The following GRAMD1B variants were observed in gnomAD, a reference collection of about 807,000 sequenced individuals.
GRAMD1B encodes the protein GRAM domain containing 1B.
In GRAMD1B, 37 loss-of-function variants were observed where a neutral mutation model predicts 99.7. The ratio of observed to expected loss-of-function variants is 0.37; its 90% CI spans 0.29 to 0.49. The LOEUF (loss-of-function observed/expected upper bound fraction) is 0.49. Ranked by LOEUF, GRAMD1B falls within the 20% of genes least tolerant of loss-of-function variation. The pLI is 0.98. For missense variants in GRAMD1B, 888 were observed against 1,009.2 expected, an observed-to-expected ratio of 0.88 and a Z score of 1.63; for synonymous variants, 427 against 387.6, an observed-to-expected ratio of 1.10 and a Z score of -1.19.
At chr11:123,574,597 G>A (rs1468143047) in intron 2 of GRAMD1B, among the ~76,000 whole-genome samples, 2 of 152,148 alleles carry the variant, frequency 1.3e-5, no homozygotes, top group African/African-American at 4.8e-5. Context: ...TGGAAGAGAG[G>A]GGTCTGCAGC....
rs76924654 is a variant in GRAMD1B, at chr11:123,523,751, T to A, written c.452+42858T>A. 1.2e-3 allele frequency among the ~76,000 whole-genome samples: 180 copies of A among 152,364 alleles called. 4 individuals carry two copies. The East Asian group carries it at 0.029, about 25-fold the overall frequency. ...GGGCTGGATCACATGACCTGGTATTTCCATTGAGTGAATTATCTAGGTCAT... is the reference window on the plus strand; with the variant it reads ...GGGCTGGATCACATGACCTGGTATTACCATTGAGTGAATTATCTAGGTCAT... On this transcript the variant is annotated intron_variant, in intron 2 of 19. Transcript: ENST00000635736.
chr11:123,359,401 G>A (rs990254836), intron 1 of GRAMD1B, among the ~76,000 whole-genome samples: 1 of 152,000 alleles, frequency 6.6e-6, no homozygotes, highest in African/African-American at 2.4e-5. Context: ...GAAGTGAGAG[G>A]TTCCATCCCA....
intron 19 of GRAMD1B, among the ~76,000 whole-genome samples, chr11:123,622,188 A>G (rs1955216375): frequency 6.6e-6 from 1 of 151,938 alleles, no homozygotes; most frequent in Non-Finnish European, 1.5e-5. Flanking sequence ...GCCTGGCTAT[A>G]ATTTTTAAAT....
intron 8 of GRAMD1B, 94 bp downstream of exon 8, chr11:123,600,642 A>C (rs367880116): frequency 1.4e-6 from 1 of 732,178 alleles, no homozygotes. Flanking sequence ...CACTGATAGT[A>C]TTCTCCCACT....
Position 123,404,420 on chromosome 11 carries a change from T to C in GRAMD1B, c.-176+45621T>C, listed in dbSNP as rs569742550. ...AGCAAGAACAAATGCTTGATTCATT[T>C]CCTTTATTTGACTGTTTTCAATAGA... On this transcript the variant is annotated intron_variant, in intron 1 of 20. Coordinates refer to the GRAMD1B transcript ENST00000638157. 3.3e-5 allele frequency among the ~76,000 whole-genome samples: 5 copies of C among 152,382 alleles called. No homozygotes were observed. The East Asian group carries it at 5.8e-4, about 18-fold the overall frequency.
intron 1 of GRAMD1B, among the ~76,000 whole-genome samples, chr11:123,447,910 A>G (rs1949711246): frequency 6.6e-6 from 1 of 151,732 alleles, no homozygotes; most frequent in Non-Finnish European, 1.5e-5. Flanking sequence ...GTTTTTTTTA[A>G]CCTCCCACAA....
rs1293351639 is a variant in GRAMD1B at position 123,510,948 on chromosome 11, G to T, written c.452+30055G>T. 6.6e-6 allele frequency among the ~76,000 whole-genome samples: 1 copy of T among 152,106 alleles called. No individual in the cohort carries two copies. Among genetic ancestry groups the T allele is most frequent in the African/African-American group, 2.4e-5 (1 of 41,412 alleles). ...CGGAGTGGGTGGATGAGGGGTGCAG[G>T]GTGGGGGGTGGAGGTATCTGTAGCT... On this transcript the variant is annotated intron_variant, in intron 2 of 19. Transcript: ENST00000635736. The surrounding 1 kb of genome is among the most constrained non-coding windows in gnomAD (Gnocchi z 4.3).
At chr11:123,598,536 T>A (rs1951567734) in intron 7 of GRAMD1B, 1 of 1,531,480 alleles carries the variant, frequency 6.5e-7, no homozygotes, top group South Asian at 1.1e-5. Flanking sequence ...GCCCTTTGAC[T>A]TGGGATTTTT....
At chr11:123,438,137 C>T (rs1949247553) in intron 1 of GRAMD1B, among the ~76,000 whole-genome samples, 1 of 152,182 alleles carries the variant, frequency 6.6e-6, no homozygotes, top group African/African-American at 2.4e-5. Flanking sequence ...TTACTTTGTG[C>T]CAAGTTTTCT....
At chr11:123,434,771 G>C (rs989053354) in intron 1 of GRAMD1B, among the ~76,000 whole-genome samples, 1 of 152,228 alleles carries the variant, frequency 6.6e-6, no homozygotes, top group Non-Finnish European at 1.5e-5. Flanking sequence ...CTGGGCGACA[G>C]AGCAAGACTC....
In GRAMD1B at chr11:123,525,778, C is replaced by T. The variant is rs148805496; in HGVS notation, c.452+44885C>T. On this transcript the variant is annotated intron_variant, in intron 2 of 19. Transcript: ENST00000635736. The stretch of plus-strand genomic sequence containing the variant: ...GTATGAGGTGAGGGTGGGGGGCAGC[C>T]GGCCAGCCTGGCTGTTGACGGCAAC... The T allele has an allele frequency of 1.0e-3, 297 of 285,164 alleles. 1 individual carries two copies. In the East Asian group the frequency reaches 0.022, roughly 21 times the overall value. 17.7% of individuals were successfully genotyped at this position (285,164 alleles called of 1,614,324 possible). A position where few individuals can be genotyped will look rare whatever the true frequency, so the allele number is the denominator to read the frequency against.
chr11:123,403,483 TAATAATA>T (rs1565476725), intron 1 of GRAMD1B, among the ~76,000 whole-genome samples: 96 of 146,328 alleles, frequency 6.6e-4, no homozygotes, highest in African/African-American at 2.3e-3. Context: ...ATAATAATAA[TAATAATA>T]ATTTCGTCTC....
intron 2 of GRAMD1B, among the ~76,000 whole-genome samples, chr11:123,562,105 T>G (rs1415286154): frequency 6.6e-6 from 1 of 152,150 alleles, no homozygotes; most frequent in African/African-American, 2.4e-5. Flanking sequence ...ATCCCAGCAC[T>G]TCGGGATCTG....
intron 2 of GRAMD1B, among the ~76,000 whole-genome samples, chr11:123,540,365 C>G (rs148144875): frequency 1.3e-5 from 2 of 152,262 alleles, no homozygotes; most frequent in Non-Finnish European, 2.9e-5. Context: ...CAAGCATGAG[C>G]CACAGCACCC....
At chr11:123,516,391 C>T (rs149258016) in intron 2 of GRAMD1B, among the ~76,000 whole-genome samples, 3 of 152,260 alleles carry the variant, frequency 2.0e-5, no homozygotes, top group Admixed American at 6.5e-5. Flanking sequence ...GAAAATGTCC[C>T]GATGACTGGA....
At chr11:123,376,590 C>CA (rs1165445554) in intron 1 of GRAMD1B, among the ~76,000 whole-genome samples, 1 of 152,164 alleles carries the variant, frequency 6.6e-6, no homozygotes, top group Non-Finnish European at 1.5e-5. Flanking sequence ...TCCTGATAGG[C>CA]AGGAGCAAGA....
chr11:123,560,066 C>CG (rs1491426664), intron 2 of GRAMD1B, among the ~76,000 whole-genome samples: 5 of 37,936 alleles, frequency 1.3e-4, no homozygotes, highest in African/African-American at 5.0e-4. Flanking sequence ...GAGGAAATAA[C>CG]CCCCCCCCCC....
chr11:123,601,488 A>G (rs1201011067), intron 8 of GRAMD1B, among the ~76,000 whole-genome samples: 1 of 151,542 alleles, frequency 6.6e-6, no homozygotes, highest in Non-Finnish European at 1.5e-5. Flanking sequence ...ACACACACAC[A>G]TAATGTTTCC....
intron 14 of GRAMD1B, 52 bp from the exon 15 acceptor site, chr11:123,612,709 G>A (rs997793146): frequency 1.0e-6 from 1 of 998,148 alleles, no homozygotes; most frequent in Non-Finnish European, 1.6e-6. Context: ...TTTCCCAGCA[G>A]AGGCAGGCCC....
Sources: gnomAD v4.1 joint callset for allele counts (sites outside exome capture counted in the v4.1 genomes callset) on GRCh38, gnomAD v4.1.1 for gene constraint, Gnocchi (gnomAD v3.1) non-coding constraint, MANE v1.5 for transcripts, NCBI Gene and HGNC (gene_info 2026-07-23, HGNC 2026-07-21) for gene names.